The following AASS variants were observed in gnomAD, a reference collection of about 807,000 sequenced individuals.
The protein encoded by AASS is aminoadipate-semialdehyde synthase, also known as alpha-aminoadipic semialdehyde synthase, mitochondrial.
A neutral mutation model predicts 105.4 loss-of-function variants in AASS; 86 were observed. The observed-to-expected ratio is 0.82, with a 90% CI of 0.69 to 0.98. The LOEUF is 0.98. Ranked by LOEUF, AASS falls within the 50% of genes least tolerant of loss-of-function variation. The probability of loss-of-function intolerance (pLI) is 0.00; values close to 1 mark genes in which losing one functional copy is unlikely to be tolerated. For synonymous variants in AASS, 381 were observed against 394.8 expected, an observed-to-expected ratio of 0.96 and a Z score of 0.41; for missense variants, 1,048 against 1,143.2, an observed-to-expected ratio of 0.92 and a Z score of 1.20.
Position 122,081,540 on chromosome 7 carries a change from G to C in AASS, c.2240C>G (p.Ala747Gly). 2 of 1,613,910 alleles carry C rather than the reference G, an allele frequency of 1.2e-6. No homozygotes were observed. Among genetic ancestry groups the C allele is most frequent in the Non-Finnish European group, 1.7e-6 (2 of 1,179,852 alleles). The change falls in exon 20 of 24, where the codon GCG becomes GGG. Residue 747 changes from alanine (A) to glycine (G), a missense_variant. By Grantham distance (60) the Ala-to-Gly change is moderately conservative. Transcript: ENST00000417368. ...GGCCTCAGGTCTAAAGGCAGGAAGC[G>C]CTTCTCTGTTTATAAGACCTAATTT... ...FVKLGLINRE[A>G]LPAFRPEANP...
rs777413121 is a variant in AASS at position 122,133,625 on chromosome 7, G to C, written c.102C>G (p.Asn34Lys). The C allele has an allele frequency of 1.0e-4, 169 of 1,614,042 alleles. No individual in the cohort carries two copies. Among genetic ancestry groups the C allele is most frequent in the Non-Finnish European group, 1.4e-4 (165 of 1,180,034 alleles). ...AVLAVRREDV[N>K]AWERRAPLAP... ...CTAGCGGGGCCCTTCTCTCCCAGGC[G>C]TTCACATCCTCCCTCCGGACGGCCA... Residue 34 changes from asparagine to lysine, a missense_variant, in exon 2 of 24, where the codon AAC (asparagine) becomes AAG (lysine). Transcript: ENST00000417368.
intron 1 of AASS, among the ~76,000 whole-genome samples, chr7:122,136,460 A>G (rs1179574996): frequency 6.6e-6 from 1 of 152,260 alleles, no homozygotes; most frequent in African/African-American, 2.4e-5. Flanking sequence ...ATAGATTATC[A>G]ACATTTCAGT....
At chr7:122,092,972 A>G (rs1194971024) in intron 16 of AASS, 21 bp from the exon 17 acceptor site, 4 of 1,612,896 alleles carry the variant, frequency 2.5e-6, no homozygotes, top group Admixed American at 1.7e-5. Flanking sequence ...TGGAAAGAGG[A>G]AAAAGGAAAA....
intron 11 of AASS, among the ~76,000 whole-genome samples, chr7:122,108,888 C>T (rs376961078): frequency 2.6e-4 from 39 of 151,946 alleles, no homozygotes; most frequent in African/African-American, 6.0e-4. Context: ...TTGAAGATGA[C>T]GAAATCTTAT....
intron 18 of AASS, among the ~76,000 whole-genome samples, chr7:122,086,668 C>T (rs62472890): frequency 6.6e-6 from 1 of 151,664 alleles, no homozygotes; most frequent in Non-Finnish European, 1.5e-5. Context: ...ATTTAAATGG[C>T]TTCTATGCTC....
At chr7:122,090,292 C>CATT (rs1388833921) in intron 18 of AASS, among the ~76,000 whole-genome samples, 11 of 152,094 alleles carry the variant, frequency 7.2e-5, no homozygotes, top group Admixed American at 7.2e-4. Context: ...ATTCTCTGAT[C>CATT]ATTAAATCAG....
At chr7:122,087,904 G>A (rs1793702447) in intron 18 of AASS, among the ~76,000 whole-genome samples, 1 of 152,128 alleles carries the variant, frequency 6.6e-6, no homozygotes, top group Admixed American at 6.6e-5. Context: ...TTACAAAGAA[G>A]ATGGAGAAAT....
intron 1 of AASS, among the ~76,000 whole-genome samples, chr7:122,141,658 CAAAAAAAAAA>C (rs67469054): frequency 4.9e-4 from 46 of 94,630 alleles, no homozygotes; most frequent in South Asian, 1.1e-3. Flanking sequence ...CCTAACCCTG[CAAAAAAAAAA>C]AAAAAAAAAA....
At chr7:122,143,795 T>C (rs1408109387) in intron 1 of AASS, among the ~76,000 whole-genome samples, 1 of 152,056 alleles carries the variant, frequency 6.6e-6, no homozygotes, top group Non-Finnish European at 1.5e-5. Flanking sequence ...ATCAGTTCTT[T>C]ATTCCCCAGC....
At chr7:122,136,496 T>C (rs926494117) in intron 1 of AASS, among the ~76,000 whole-genome samples, 2 of 152,226 alleles carry the variant, frequency 1.3e-5, no homozygotes, top group Admixed American at 6.5e-5. Context: ...ACTGCATCTA[T>C]TTTTTGTTTA....
chr7:122,082,146 G>C (rs898835629), intron 19 of AASS, among the ~76,000 whole-genome samples: 3 of 152,092 alleles, frequency 2.0e-5, no homozygotes, highest in Admixed American at 2.0e-4. Flanking sequence ...GTAGGAATCA[G>C]AGATTTTTCT....
intron 13 of AASS, among the ~76,000 whole-genome samples, chr7:122,100,364 T>C (rs1421180768): frequency 6.6e-6 from 1 of 151,892 alleles, no homozygotes; most frequent in Non-Finnish European, 1.5e-5. Flanking sequence ...AAGTTTTACT[T>C]GTAAGAAACT....
chr7:122,088,000 T>C (rs781385696), intron 18 of AASS, among the ~76,000 whole-genome samples: 8 of 152,192 alleles, frequency 5.3e-5, no homozygotes, highest in Non-Finnish European at 1.5e-5. Context: ...ATCATTGTCA[T>C]TTGATATTCA....
Position 122,129,459 on chromosome 7 carries a change from C to T in AASS, c.289G>A (p.Glu97Lys), listed in dbSNP as rs1795806876. Residue 97 changes from glutamate to lysine, a missense_variant, in exon 3 of 24, where the codon GAG (glutamate) becomes AAG (lysine). Physicochemically the swap from Glu to Lys is moderately conservative, Grantham distance 56 (BLOSUM62 1). Coordinates refer to ENST00000417368, the MANE Select transcript of AASS (RefSeq NM_005763.4). ...CLILGVKRPP[E>K]EKLMSRKTYA... Reference sequence around the variant, plus strand: ...GTCTTCCTGGACATTAATTTTTCCTCTGGAGGTCTTTTAACTCCTAAAATT... The same window carrying T: ...GTCTTCCTGGACATTAATTTTTCCTTTGGAGGTCTTTTAACTCCTAAAATT... 1 of 1,613,552 alleles carries T rather than the reference C, an allele frequency of 6.2e-7. No individual in the cohort carries two copies. Among genetic ancestry groups the T allele is most frequent in the Non-Finnish European group, 8.5e-7 (1 of 1,179,710 alleles).
At chr7:122,140,320 C>T (rs1217230362) in intron 1 of AASS, among the ~76,000 whole-genome samples, 1 of 151,080 alleles carries the variant, frequency 6.6e-6, no homozygotes, top group Non-Finnish European at 1.5e-5. Flanking sequence ...CCCGTCTCTA[C>T]TAAAAATACA....
chr7:122,141,243 G>A (rs1381791795), intron 1 of AASS, among the ~76,000 whole-genome samples: 1 of 152,082 alleles, frequency 6.6e-6, no homozygotes, highest in Non-Finnish European at 1.5e-5. Context: ...GGGGGAGGAG[G>A]TCTATTAGTG....
At chr7:122,097,403 T>C (rs1277753294) in intron 15 of AASS, among the ~76,000 whole-genome samples, 1 of 152,048 alleles carries the variant, frequency 6.6e-6, no homozygotes, top group Non-Finnish European at 1.5e-5. Context: ...CAGGGGTACA[T>C]GTGCAGGTTT....
chr7:122,076,410 C>G lies in AASS; in HGVS notation c.*79G>C, dbSNP rs183425145. 2.2e-6 allele frequency: 2 copies of G among 925,262 alleles called. No individual in the cohort carries two copies. Among genetic ancestry groups the G allele is most frequent in the African/African-American group, 3.2e-5 (2 of 61,712 alleles). The allele number at this position is 925,262 out of a possible 1,614,324, so 57.3% of individuals were successfully genotyped here. On this transcript the variant is annotated 3_prime_UTR_variant, in exon 24 of 24. Transcript: ENST00000417368. ...TATTATGCTTTATACTTTAAAACAGCACATTAGCAAACCCATTTATCACAC... is the reference window on the plus strand; with the variant it reads ...TATTATGCTTTATACTTTAAAACAGGACATTAGCAAACCCATTTATCACAC...
chr7:122,085,880 A>G, intron 19 of AASS, 132 bp downstream of exon 19: 3 of 990,446 alleles, frequency 3.0e-6, no homozygotes, highest in Non-Finnish European at 4.7e-6. Context: ...TCAATCAATC[A>G]TAAGATTCCT....
Sources: allele counts gnomAD v4.1 joint callset (sites outside exome capture counted in the v4.1 genomes callset), GRCh38; gene constraint gnomAD v4.1.1; transcripts MANE v1.5; gene names NCBI Gene and HGNC (gene_info 2026-07-23, HGNC 2026-07-21).